Variants in ABI1 observed in about 807,000 individuals in gnomAD.
ABI1 encodes abl interactor 1.
In ABI1, 14 loss-of-function variants were observed where a neutral mutation model predicts 54.6. That is an observed-to-expected ratio of 0.26 (90% CI 0.17 to 0.40). The LOEUF (loss-of-function observed/expected upper bound fraction) is 0.40. ABI1 is among the 10% of genes least tolerant of loss of function. The pLI is 1.00. For synonymous variants in ABI1, 194 were observed against 209.3 expected (o/e 0.93, Z 0.63); for missense variants, 443 against 598.3 (o/e 0.74, Z 2.71).
intron 2 of ABI1, among the ~76,000 whole-genome samples, chr10:26,780,618 C>T (rs1841991250): frequency 6.6e-6 from 1 of 152,198 alleles, no homozygotes; most frequent in Non-Finnish European, 1.5e-5. Context: ...CTCTCCCAGC[C>T]TCCCTCATCC....
intron 1 of ABI1, among the ~76,000 whole-genome samples, chr10:26,829,099 G>A (rs1187489222): frequency 6.6e-6 from 1 of 151,990 alleles, no homozygotes; most frequent in African/African-American, 2.4e-5. Context: ...AGTGGCAGGC[G>A]CCTGTAGTCC....
chr10:26,812,244 A>C (rs1226453825), intron 2 of ABI1, among the ~76,000 whole-genome samples: 3 of 152,166 alleles, frequency 2.0e-5, no homozygotes, highest in Non-Finnish European at 4.4e-5. Context: ...GATTAGGGAT[A>C]TCTTTTGGGG....
rs536695132 is a variant in ABI1, at chr10:26,757,817, C to T, written c.997+1245G>A. Among the ~76,000 whole-genome samples the T allele has an allele frequency of 2.0e-5, 3 of 152,128 alleles. No homozygotes were observed. In the South Asian group the frequency reaches 6.2e-4, roughly 32 times the overall value. ...TTTCAGTGGCTCACGCCTGTAATCC[C>T]ACCACTTTGGGAGGCTGAGGTGGGT... On this transcript the variant is annotated intron_variant, in intron 8 of 10. Transcript: ENST00000376140.
rs1165561612 is a variant in ABI1, at chr10:26,848,231, A to T, written c.117+12516T>A. On this transcript the variant is annotated intron_variant, in intron 1 of 10. Transcript: ENST00000376140. ...AAAAAAAAAAAAAAAAAGAAGAAGA[A>T]GAAGAAGAAGATGTAAATATATTAG... 2.0e-5 allele frequency among the ~76,000 whole-genome samples: 3 copies of T among 151,224 alleles called. No individual in the cohort carries two copies. In the East Asian group the frequency reaches 5.8e-4, roughly 29 times the overall value.
intron 1 of ABI1, among the ~76,000 whole-genome samples, chr10:26,842,295 T>A (rs1389592989): frequency 6.6e-6 from 1 of 152,268 alleles, no homozygotes; most frequent in Non-Finnish European, 1.5e-5. Context: ...TATTATTGAA[T>A]TATATGAGTT....
At chr10:26,821,044 A>T (rs989178071) in intron 2 of ABI1, among the ~76,000 whole-genome samples, 1 of 151,266 alleles carries the variant, frequency 6.6e-6, no homozygotes, top group Non-Finnish European at 1.5e-5. Flanking sequence ...GGAGTTTGAG[A>T]CCAGCCTGGC....
intron 1 of ABI1, among the ~76,000 whole-genome samples, chr10:26,856,385 A>AGGTT (rs2050811886): frequency 7.4e-6 from 1 of 134,318 alleles, no homozygotes; most frequent in East Asian, 2.3e-4. Context: ...ACTGAACTTT[A>AGGTT]GGTTGGGTAT....
At chr10:26,793,607 A>T (rs1843740287) in intron 2 of ABI1, among the ~76,000 whole-genome samples, 1 of 152,208 alleles carries the variant, frequency 6.6e-6, no homozygotes, top group Non-Finnish European at 1.5e-5. Flanking sequence ...CGCCTGCTTA[A>T]TTATATAAGA....
At chr10:26,848,200 C>CAAAAAAAAAAAAAAAAAAA (rs149066426) in intron 1 of ABI1, among the ~76,000 whole-genome samples, 1 of 78,688 alleles carries the variant, frequency 1.3e-5, no homozygotes, top group Admixed American at 1.4e-4. Context: ...GACCCTGTCT[C>CAAAAAAAAAAAAAAAAAAA]AAAAAAAAAA....
intron 1 of ABI1, among the ~76,000 whole-genome samples, chr10:26,824,711 T>TAA (rs11435784): frequency 4.7e-5 from 7 of 148,886 alleles, no homozygotes; most frequent in Non-Finnish European, 7.5e-5. Flanking sequence ...ACCTTGGCAT[T>TAA]AAAAAAAAAA....
chr10:26,775,807 G>T (rs998193572), intron 3 of ABI1, among the ~76,000 whole-genome samples: 5 of 152,150 alleles, frequency 3.3e-5, no homozygotes, highest in African/African-American at 9.7e-5. Context: ...TTGGTAGGAA[G>T]AATAATCAAG....
At chr10:26,806,197 G>A (rs529786311) in intron 2 of ABI1, among the ~76,000 whole-genome samples, 52 of 152,222 alleles carry the variant, frequency 3.4e-4, no homozygotes, top group African/African-American at 1.3e-3. Flanking sequence ...ATATCTGCTT[G>A]CACTGCAGAA....
intron 1 of ABI1, among the ~76,000 whole-genome samples, chr10:26,825,752 C>T (rs191609063): frequency 2.6e-5 from 4 of 152,210 alleles, no homozygotes; most frequent in Non-Finnish European, 5.9e-5. Flanking sequence ...TATTCCAAAT[C>T]CTTTGTTGTC....
At chr10:26,856,433 C>CA (rs58195958) in intron 1 of ABI1, among the ~76,000 whole-genome samples, 5,374 of 57,686 alleles carry the variant, frequency 0.093, 1,029 homozygotes, top group African/African-American at 0.12. Context: ...ATCTGTTACT[C>CA]AAAAAAAAAA....
chr10:26,778,811 T>C (rs138285117), intron 2 of ABI1, among the ~76,000 whole-genome samples: 118 of 152,248 alleles, frequency 7.8e-4, no homozygotes, highest in Non-Finnish European at 1.4e-3. Flanking sequence ...TATAATAAAG[T>C]TAATGTAGAC....
chr10:26,855,612 A>G (rs1440487551), intron 1 of ABI1, among the ~76,000 whole-genome samples: 1 of 152,156 alleles, frequency 6.6e-6, no homozygotes, highest in East Asian at 1.9e-4. Context: ...AGGCAATTAT[A>G]TTACCCTCTA....
At chr10:26,764,397 T>C (rs1839634145) in intron 7 of ABI1, among the ~76,000 whole-genome samples, 1 of 152,194 alleles carries the variant, frequency 6.6e-6, no homozygotes, top group Admixed American at 6.5e-5. Flanking sequence ...TGCATTTTAC[T>C]GAAATATATA....
chr10:26,760,073 A>C (rs1341921116), intron 7 of ABI1, among the ~76,000 whole-genome samples: 1 of 151,402 alleles, frequency 6.6e-6, no homozygotes, highest in East Asian at 1.9e-4. Flanking sequence ...CATCCAAAGA[A>C]TCTGCTTTTA....
chr10:26,746,764 A>G lies in ABI1; in HGVS notation c.*1806T>C. The G allele has an allele frequency of 2.3e-6, 1 of 426,570 alleles. No individual in the cohort carries two copies. Among genetic ancestry groups the G allele is most frequent in the South Asian group, 2.4e-5 (1 of 41,802 alleles). 26.4% of individuals were successfully genotyped at this position (426,570 alleles called of 1,614,324 possible). On this transcript the variant is annotated 3_prime_UTR_variant, in exon 11 of 11. Transcript: ENST00000376140. Reference sequence around the variant, plus strand: ...ACTGTTAATATCCACATGTAAGGCCATTACACAAATAAATAACCAATGTTA... The same window carrying G: ...ACTGTTAATATCCACATGTAAGGCCGTTACACAAATAAATAACCAATGTTA...
Sources: gnomAD v4.1 joint callset for allele counts (sites outside exome capture counted in the v4.1 genomes callset) on GRCh38, gnomAD v4.1.1 for gene constraint, MANE v1.5 for transcripts, NCBI Gene and HGNC (gene_info 2026-07-23, HGNC 2026-07-21) for gene names.